NFAM1: variants seen among roughly 807,000 people sequenced by gnomAD.
NFAM1 encodes the protein NFAT activating protein with ITAM motif 1, also known as NFAT activation molecule 1.
NFAM1 carries 17 observed loss-of-function variants against 29.0 expected under a neutral mutation model. The observed-to-expected ratio is 0.59, with a 90% CI of 0.40 to 0.88. The LOEUF (loss-of-function observed/expected upper bound fraction) is 0.88, where lower values mean the gene tolerates loss of function less well. NFAM1 is among the 40% of genes least tolerant of loss of function. The pLI, the probability that NFAM1 is intolerant of heterozygous loss-of-function variation, is 0.00. For synonymous variants in NFAM1, 175 were observed against 147.2 expected, an observed-to-expected ratio of 1.19 and a Z score of -1.36; for missense variants, 324 against 344.6, an observed-to-expected ratio of 0.94 and a Z score of 0.47.
intron 4 of NFAM1, among the ~76,000 whole-genome samples, chr22:42,394,777 T>C (rs1929461510): frequency 6.6e-6 from 1 of 152,154 alleles, no homozygotes; most frequent in Non-Finnish European, 1.5e-5. Context: ...TTCACCATCA[T>C]TGTATCAGAG....
intron 4 of NFAM1, among the ~76,000 whole-genome samples, chr22:42,394,144 T>C (rs979199437): frequency 2.6e-5 from 4 of 152,182 alleles, no homozygotes; most frequent in Non-Finnish European, 5.9e-5. Context: ...CAAGCAATTC[T>C]CCTGCCTCAG....
At chr22:42,407,038 G>A (rs908753871) in intron 3 of NFAM1, among the ~76,000 whole-genome samples, 4 of 150,346 alleles carry the variant, frequency 2.7e-5, no homozygotes, top group Non-Finnish European at 4.4e-5. Flanking sequence ...GCCTCCCAAA[G>A]TGCTGGGATT....
intron 2 of NFAM1, chr22:42,410,370 T>G (rs6002724): frequency 1.0e-4 from 36 of 353,224 alleles, no homozygotes; most frequent in African/African-American, 7.8e-4. Context: ...GAGAATGTGA[T>G]GAAAACTGGC....
intron 5 of NFAM1, among the ~76,000 whole-genome samples, chr22:42,385,817 T>C (rs543450082): frequency 1.3e-5 from 2 of 152,074 alleles, no homozygotes; most frequent in Non-Finnish European, 2.9e-5. Flanking sequence ...GGGCTGAGTA[T>C]AGAAAGGGCT....
rs140355227 is a variant in NFAM1 at position 42,387,069 on chromosome 22, G to T, written c.673C>A (p.Arg225Ser). The T allele has an allele frequency of 5.7e-6, 9 of 1,580,182 alleles. No homozygotes were observed. Among genetic ancestry groups the T allele is most frequent in the Non-Finnish European group, 6.9e-6 (8 of 1,162,008 alleles). Residue 225 changes from arginine to serine, a missense_variant, in exon 5 of 6, where the codon CGC (arginine) becomes AGC (serine). By Grantham distance (110) the Arg-to-Ser change is moderately radical. Transcript: ENST00000329021. ...PSESVYTALQ[R>S]RETEVYACIE... ...CAGGCATAGACCTCGGTCTCGCGGCGCTGCAGAGCCTACAGGAAACGGGGT... is the reference window on the plus strand; with the variant it reads ...CAGGCATAGACCTCGGTCTCGCGGCTCTGCAGAGCCTACAGGAAACGGGGT...
chr22:42,426,905 G>A (rs1930640806), intron 1 of NFAM1, among the ~76,000 whole-genome samples: 1 of 152,138 alleles, frequency 6.6e-6, no homozygotes, highest in Non-Finnish European at 1.5e-5. Context: ...GGGGTCCCAG[G>A]TGCCACGCCC....
At chr22:42,432,045 C>T (rs771340936) in intron 1 of NFAM1, among the ~76,000 whole-genome samples, 192 bp downstream of exon 1, 2 of 152,218 alleles carry the variant, frequency 1.3e-5, no homozygotes, top group African/African-American at 2.4e-5. Flanking sequence ...CTTCAAAAGC[C>T]ACCTTGGCAA....
chr22:42,391,134 C>T (rs900147793), intron 4 of NFAM1, among the ~76,000 whole-genome samples: 1 of 152,198 alleles, frequency 6.6e-6, no homozygotes, highest in Admixed American at 6.5e-5. Flanking sequence ...GGGCTTCCTT[C>T]CCTTGGGATC....
intron 3 of NFAM1, among the ~76,000 whole-genome samples, chr22:42,399,939 G>C (rs1929671124): frequency 6.6e-6 from 1 of 152,212 alleles, no homozygotes; most frequent in Non-Finnish European, 1.5e-5. Context: ...TAATGGCTCA[G>C]AGCATGGAGC....
At chr22:42,415,311 T>TC (rs1243440832) in intron 1 of NFAM1, among the ~76,000 whole-genome samples, 1 of 145,628 alleles carries the variant, frequency 6.9e-6, no homozygotes, top group Non-Finnish European at 1.5e-5. Context: ...TTTTTTTTTT[T>TC]TTTTTTGAGA....
chr22:42,403,818 C>A (rs911411260), intron 3 of NFAM1, among the ~76,000 whole-genome samples: 1 of 152,090 alleles, frequency 6.6e-6, no homozygotes, highest in Non-Finnish European at 1.5e-5. Flanking sequence ...CTACAGATGA[C>A]GAGGGCAGAG....
Position 42,411,549 on chromosome 22 carries a change from C to A in NFAM1, c.309G>T (p.Leu103=). The A allele has an allele frequency of 6.2e-7, 1 of 1,614,216 alleles. No individual in the cohort carries two copies. The highest frequency in any genetic ancestry group is 8.5e-7 in the Non-Finnish European group (1 of 1,180,020). Residue 103 remains leucine (L), a synonymous_variant, in exon 2 of 6, where the codon CTG becomes CTT. Transcript: ENST00000329021. ...PKKPTNCHPG[L]GTENQSHTLD... is the part of the protein sequence containing the mutation. ...GGGTGTGGCTCTGGTTCTCTGTGCC[C>A]AGTCCAGGGTGGCAGTTTGTTGGCT...
chr22:42,410,432 G>C, intron 2 of NFAM1: 1 of 380,272 alleles, frequency 2.6e-6, no homozygotes, highest in Non-Finnish European at 5.3e-6. Flanking sequence ...GGCTGAGGTG[G>C]GCGGATCACT....
intron 1 of NFAM1, among the ~76,000 whole-genome samples, chr22:42,426,057 T>C (rs1930612312): frequency 6.6e-6 from 1 of 152,036 alleles, no homozygotes; most frequent in Admixed American, 6.5e-5. Flanking sequence ...CAGGGAGCAG[T>C]GTAGAAAGAA....
intron 1 of NFAM1, among the ~76,000 whole-genome samples, chr22:42,418,683 T>C (rs1345135341): frequency 6.0e-5 from 9 of 151,214 alleles, no homozygotes; most frequent in Admixed American, 1.3e-4. Context: ...ACAAGAGCTA[T>C]CTCTGTTTTT....
rs1396312688 is a variant in NFAM1 at position 42,387,055 on chromosome 22, C to T, written c.687G>A (p.Glu229=). 1.3e-6 allele frequency: 2 copies of T among 1,587,298 alleles called. No homozygotes were observed. The highest frequency in any genetic ancestry group is 1.1e-5 in the South Asian group (1 of 87,660). Residue 229 remains glutamate, a synonymous_variant, in exon 5 of 6, where the codon GAG becomes GAA. Coordinates refer to ENST00000329021, the MANE Select transcript of NFAM1 (RefSeq NM_145912.8). Reference sequence around the variant, plus strand: ...CCTCATTCTCGATGCAGGCATAGACCTCGGTCTCGCGGCGCTGCAGAGCCT... The same window carrying T: ...CCTCATTCTCGATGCAGGCATAGACTTCGGTCTCGCGGCGCTGCAGAGCCT... ...VYTALQRRET[E]VYACIENEDG...
intron 1 of NFAM1, among the ~76,000 whole-genome samples, chr22:42,423,550 G>GAAATAAATAAAT (rs60005859): frequency 1.6e-4 from 24 of 151,514 alleles, no homozygotes; most frequent in South Asian, 6.3e-4. Context: ...CCCCATTTCT[G>GAAATAAATAAAT]AAATAAATAA....
At chr22:42,425,131 C>G (rs1930582317) in intron 1 of NFAM1, among the ~76,000 whole-genome samples, 1 of 152,094 alleles carries the variant, frequency 6.6e-6, no homozygotes, top group Admixed American at 6.6e-5. Flanking sequence ...CCATGTTGGC[C>G]AGGCTGGTCT....
chr22:42,402,610 C>T (rs546891913), intron 3 of NFAM1, among the ~76,000 whole-genome samples: 35 of 152,042 alleles, frequency 2.3e-4, no homozygotes, highest in African/African-American at 8.0e-4. Context: ...TGCTGTGAGG[C>T]GGGAGGCCTG....
Sources: gnomAD v4.1 joint callset for allele counts (sites outside exome capture counted in the v4.1 genomes callset) on GRCh38, gnomAD v4.1.1 for gene constraint, MANE v1.5 for transcripts, NCBI Gene and HGNC (gene_info 2026-07-23, HGNC 2026-07-21) for gene names.